Variants in CORO2B observed in about 807,000 individuals in gnomAD.
The protein encoded by CORO2B is coronin-2B.
In CORO2B, 26 loss-of-function variants were observed where a neutral mutation model predicts 58.8. The observed-to-expected ratio is 0.44, with a 90% CI of 0.32 to 0.61. CORO2B has a LOEUF of 0.61. Among genes scored for constraint, CORO2B ranks in the 20% least tolerant of loss-of-function variants. The pLI, the probability that CORO2B is intolerant of heterozygous loss-of-function variation, is 0.04. For missense variants in CORO2B, 460 were observed against 645.1 expected, an observed-to-expected ratio of 0.71 and a Z score of 3.11; for synonymous variants, 242 against 253.8, an observed-to-expected ratio of 0.95 and a Z score of 0.44.
the CORO2B span, among the ~76,000 whole-genome samples, chr15:68,554,531 G>A: frequency 2.4e-4 from 37 of 152,204 alleles, no homozygotes; most frequent in South Asian, 6.4e-3. Context: ...CACCTGAAAC[G>A]CACCCATGTG....
intron 1 of CORO2B, among the ~76,000 whole-genome samples, chr15:68,638,832 A>G (rs571882179): frequency 1.3e-5 from 2 of 152,324 alleles, no homozygotes; most frequent in South Asian, 4.1e-4. Context: ...CGGGGCTGAC[A>G]GAGGTGGTGT....
intron 1 of CORO2B, among the ~76,000 whole-genome samples, chr15:68,638,490 A>G (rs1409704841): frequency 1.3e-5 from 2 of 152,358 alleles, no homozygotes; most frequent in Non-Finnish European, 2.9e-5. Flanking sequence ...AACAAGTAGC[A>G]GAGCCAAGAT....
At chr15:68,623,594 C>T (rs551837880) in intron 1 of CORO2B, among the ~76,000 whole-genome samples, 7 of 151,922 alleles carry the variant, frequency 4.6e-5, no homozygotes, top group Non-Finnish European at 8.8e-5. Context: ...CAGGGCAGTG[C>T]GGTTGACTCC....
At chr15:68,677,262 C>T (rs534642865) in intron 2 of CORO2B, among the ~76,000 whole-genome samples, 5 of 152,324 alleles carry the variant, frequency 3.3e-5, no homozygotes, top group African/African-American at 1.2e-4. Context: ...GCAGGGTGCA[C>T]TGCTGGTCAT....
At chr15:68,599,541 T>G (rs73442212) in intron 1 of CORO2B, among the ~76,000 whole-genome samples, 4,131 of 152,322 alleles carry the variant, frequency 0.027, 188 homozygotes, top group African/African-American at 0.093. Context: ...GCCACCCAAC[T>G]CTGTCCCCAC....
chr15:68,712,789 A>C lies in CORO2B; in HGVS notation c.648+1083A>C, dbSNP rs1026833376. ...TCTCATGTGATACGTGAGAACACTT[A>C]ACCTTAGCGAAGTTGGGAGACTCGA... On this transcript the variant is annotated intron_variant, in intron 5 of 11. Transcript: ENST00000261861. 3.3e-5 allele frequency among the ~76,000 whole-genome samples: 5 copies of C among 152,066 alleles called. No homozygotes were observed. In the East Asian group the frequency reaches 9.7e-4, roughly 29 times the overall value.
the CORO2B span, among the ~76,000 whole-genome samples, chr15:68,528,273 CG>C: frequency 1.3e-5 from 2 of 152,032 alleles, no homozygotes; most frequent in South Asian, 2.1e-4. Flanking sequence ...TCAGGTCATA[CG>C]TTTTTTATAT....
chr15:68,551,721 C>A, the CORO2B span, among the ~76,000 whole-genome samples: 141,820 of 152,300 alleles, frequency 0.93, 66,192 homozygotes, highest in East Asian at 1. Flanking sequence ...AGACTAAGGT[C>A]TATTTTTAAA....
chr15:68,619,679 G>GTATA lies in CORO2B; in HGVS notation c.16-25473_16-25470dup, dbSNP rs555650314. ...GCTGGGTGTAAATGTGTGTGTGTGT[G>GTATA]TATATATATATGTACACATACATAT... On this transcript the variant is annotated intron_variant, in intron 1 of 11. Transcript: ENST00000261861. Among the ~76,000 whole-genome samples the GTATA allele has an allele frequency of 4.5e-4, 68 of 151,822 alleles. 1 individual carries two copies. The South Asian group carries it at 0.014, about 31-fold the overall frequency.
Position 68,717,621 on chromosome 15 carries a change from T to C in CORO2B, c.968-1077T>C, listed in dbSNP as rs1893062949. On this transcript the variant is annotated intron_variant, in intron 8 of 11. Transcript: ENST00000261861. ...CCACTATTGAGCATTTGCTGTGATG[T>C]AGGCACTTCTTGTAGACTCAGAAAA... Among the ~76,000 whole-genome samples, 2 of 152,206 alleles carry C rather than the reference T, an allele frequency of 1.3e-5. 1 individual carries two copies. Among genetic ancestry groups the C allele is most frequent in the South Asian group, 4.1e-4 (2 of 4,832 alleles).
chr15:68,545,094 G>T, the CORO2B span, among the ~76,000 whole-genome samples: 2 of 152,124 alleles, frequency 1.3e-5, no homozygotes, highest in Non-Finnish European at 2.9e-5. Context: ...ATTCTTGCAC[G>T]GGTGGGAATC....
chr15:68,713,820 C>T, intron 5 of CORO2B, 105 bp from the exon 6 acceptor site: 1 of 744,180 alleles, frequency 1.3e-6, no homozygotes, highest in Non-Finnish European at 2.4e-6. Context: ...ATTGCAGGGG[C>T]CAGGGCTGAG....
intron 1 of CORO2B, among the ~76,000 whole-genome samples, chr15:68,581,445 C>T (rs28497933): frequency 5.9e-5 from 9 of 152,218 alleles, no homozygotes; most frequent in African/African-American, 1.9e-4. Flanking sequence ...CTGGTAGTAG[C>T]TCTTCCAGTA....
intron 2 of CORO2B, among the ~76,000 whole-genome samples, chr15:68,677,595 A>T (rs1186894528): frequency 5.9e-5 from 9 of 152,170 alleles, no homozygotes; most frequent in Admixed American, 5.2e-4. Context: ...GGCAAAGGTT[A>T]CTTGGGAGCG....
At position 68,722,539 on chromosome 15, in the gene CORO2B, T is replaced by G. The variant is rs565063915; in HGVS notation, c.1311+2987T>G. Among the ~76,000 whole-genome samples, 5 of 152,298 alleles carry G rather than the reference T, an allele frequency of 3.3e-5. No homozygotes were observed. In the East Asian group the frequency reaches 9.7e-4, roughly 29 times the overall value. On this transcript the variant is annotated intron_variant, in intron 11 of 11. Transcript: ENST00000261861. The stretch of plus-strand genomic sequence containing the variant: ...AAATCGCTGAATTGTAAGCTTAAAA[T>G]GAGTGACTTTTATGGTGTGTGAATT...
At chr15:68,559,586 G>A in the CORO2B span, 1 of 985,372 alleles carries the variant, frequency 1.0e-6, no homozygotes, top group Admixed American at 6.1e-5. The surrounding 1 kb of genome is among the most constrained non-coding windows in gnomAD (Gnocchi z 4.3). Context: ...GGACCAGACG[G>A]GGAGCAGACG....
At chr15:68,705,101 G>A (rs888954780) in intron 3 of CORO2B, among the ~76,000 whole-genome samples, 1 of 152,122 alleles carries the variant, frequency 6.6e-6, no homozygotes, top group African/African-American at 2.4e-5. Flanking sequence ...ATAGCCATGG[G>A]TCAAGCAGAG....
At chr15:68,690,686 G>C (rs1389053800) in intron 2 of CORO2B, among the ~76,000 whole-genome samples, 1 of 142,174 alleles carries the variant, frequency 7.0e-6, no homozygotes, top group Non-Finnish European at 1.5e-5. Flanking sequence ...GTCTCACTTG[G>C]TCATCCAGGC....
chr15:68,643,830 G>T (rs2140271695), intron 1 of CORO2B, among the ~76,000 whole-genome samples: 1 of 152,268 alleles, frequency 6.6e-6, no homozygotes, highest in Admixed American at 6.5e-5. Flanking sequence ...CTGAGGTCAG[G>T]AGTTCAAGAC....
Sources: gnomAD v4.1 joint callset for allele counts (sites outside exome capture counted in the v4.1 genomes callset) on GRCh38, gnomAD v4.1.1 for gene constraint, Gnocchi (gnomAD v3.1) non-coding constraint, MANE v1.5 for transcripts, NCBI Gene and HGNC (gene_info 2026-07-23, HGNC 2026-07-21) for gene names.